The following RGS5 variants were observed in gnomAD, a reference collection of about 807,000 sequenced individuals.
The protein encoded by RGS5 is regulator of G protein signaling 5.
RGS5 carries 20 observed loss-of-function variants against 18.9 expected under a neutral mutation model. The ratio of observed to expected loss-of-function variants is 1.06; its 90% CI spans 0.74 to 1.54. The LOEUF is 1.54. Among genes scored for constraint, RGS5 ranks in the 40% most tolerant of loss-of-function variants. The pLI, the probability that RGS5 is intolerant of heterozygous loss-of-function variation, is 0.00. For synonymous variants in RGS5, 57 were observed against 76.2 expected (o/e 0.75, Z 1.31); for missense variants, 201 against 211.8 (o/e 0.95, Z 0.32).
intron 2 of RGS5, among the ~76,000 whole-genome samples, chr1:163,283,115 T>C (rs563795230): frequency 6.6e-6 from 1 of 152,256 alleles, no homozygotes; most frequent in Non-Finnish European, 1.5e-5. Flanking sequence ...GAAATGTGGT[T>C]ATTAGATCCT....
At chr1:163,156,470 C>T (rs2102387581) in intron 3 of RGS5, among the ~76,000 whole-genome samples, 1 of 152,248 alleles carries the variant, frequency 6.6e-6, no homozygotes, top group African/African-American at 2.4e-5. Flanking sequence ...TCGACTTGCT[C>T]TTGAAGATTT....
intron 2 of RGS5, among the ~76,000 whole-genome samples, chr1:163,302,068 A>G (rs1571350808): frequency 6.6e-6 from 1 of 151,756 alleles, no homozygotes; most frequent in African/African-American, 2.4e-5. Context: ...TTTTCATATA[A>G]AGAAAAATAT....
At position 163,282,794 on chromosome 1, in the gene RGS5, A is replaced by C. The variant is rs561683254; in HGVS notation, c.-281+23439T>G. On this transcript the variant is annotated intron_variant, in intron 2 of 5. Transcript: ENST00000618415. ...TACTAGATGACTGGGTACATATCCA[A>C]AGGAAAGGAAATTAGTATATCAAAG... 1.4e-4 allele frequency among the ~76,000 whole-genome samples: 22 copies of C among 152,274 alleles called. No homozygotes were observed. In the South Asian group the frequency reaches 4.6e-3, roughly 32 times the overall value.
intron 1 of RGS5, 67 bp downstream of exon 1, chr1:163,202,725 G>A: frequency 2.1e-6 from 3 of 1,455,834 alleles, no homozygotes; most frequent in Non-Finnish European, 2.9e-6. Flanking sequence ...GTTACCACTG[G>A]GCAGCCTCCC....
At chr1:163,222,955 G>C (rs1419232088) in intron 2 of RGS5, among the ~76,000 whole-genome samples, 1 of 151,900 alleles carries the variant, frequency 6.6e-6, no homozygotes, top group Non-Finnish European at 1.5e-5. Flanking sequence ...CACCTCCCAG[G>C]TGCCTCAGCC....
intron 1 of RGS5, among the ~76,000 whole-genome samples, chr1:163,216,696 G>A (rs1660225061): frequency 6.6e-6 from 1 of 152,214 alleles, no homozygotes. Context: ...ATATTATCAT[G>A]TAAGACTCAA....
rs570593835 is a variant in RGS5 at position 163,247,284 on chromosome 1, G to A, written c.-281+58949C>T. ...CCTGAATAATTATAAGAAAATAACTGATAAGAAAATGTGAGTTTTGTTCTA... is the reference window on the plus strand; with the variant it reads ...CCTGAATAATTATAAGAAAATAACTAATAAGAAAATGTGAGTTTTGTTCTA... On this transcript the variant is annotated intron_variant, in intron 2 of 5. Transcript: ENST00000618415. Among the ~76,000 whole-genome samples the A allele has an allele frequency of 1.1e-4, 16 of 152,256 alleles. No individual in the cohort carries two copies. The South Asian group carries it at 2.9e-3, about 28-fold the overall frequency.
At position 163,261,677 on chromosome 1, in the gene RGS5, T is replaced by C. The variant is rs535133643; in HGVS notation, c.-281+44556A>G. On this transcript the variant is annotated intron_variant, in intron 2 of 5. Coordinates refer to the RGS5 transcript ENST00000618415. Reference sequence around the variant, plus strand: ...CAAACATTTTGGATCCCCTCCATTCTTTCCTGAAAGGTTTGAAAAACAAAC... The same window carrying C: ...CAAACATTTTGGATCCCCTCCATTCCTTCCTGAAAGGTTTGAAAAACAAAC... Among the ~76,000 whole-genome samples the C allele has an allele frequency of 5.3e-5, 8 of 152,328 alleles. No homozygotes were observed. In the South Asian group the frequency reaches 1.0e-3, roughly 20 times the overall value.
In RGS5 at chr1:163,143,197, A is replaced by G. The variant is rs1043298807; in HGVS notation, c.*4145T>C. On this transcript the variant is annotated 3_prime_UTR_variant, in exon 5 of 5. Transcript: ENST00000313961. ...AACAGTAGCTGCTAAATTGTTAACT[A>G]AAGAGCCTTGTGCGAAGCAAGTGTT... 9 of 152,226 alleles carry G rather than the reference A, an allele frequency of 5.9e-5. No individual in the cohort carries two copies. Among genetic ancestry groups the G allele is most frequent in the African/African-American group, 1.9e-4 (8 of 41,462 alleles). 9.4% of individuals were successfully genotyped at this position (152,226 alleles called of 1,614,324 possible). A position where few individuals can be genotyped will look rare whatever the true frequency, so the allele number is the denominator to read the frequency against.
intron 1 of RGS5, among the ~76,000 whole-genome samples, chr1:163,201,358 A>G (rs1659765475): frequency 6.6e-6 from 1 of 152,160 alleles, no homozygotes; most frequent in African/African-American, 2.4e-5. Context: ...GCTAATAGCA[A>G]TAAATAGTAT....
At chr1:163,239,542 T>A (rs1401502433) in intron 2 of RGS5, among the ~76,000 whole-genome samples, 1 of 150,786 alleles carries the variant, frequency 6.6e-6, no homozygotes, top group African/African-American at 2.4e-5. Context: ...CTAAATGGCA[T>A]AAAGAAGACC....
At chr1:163,313,722 G>C (rs992680110) in intron 1 of RGS5, among the ~76,000 whole-genome samples, 2 of 152,164 alleles carry the variant, frequency 1.3e-5, no homozygotes, top group African/African-American at 4.8e-5. Flanking sequence ...TTGTACTGTA[G>C]GGAAGTGGTA....
intron 2 of RGS5, among the ~76,000 whole-genome samples, chr1:163,301,292 G>C (rs1649544203): frequency 6.6e-6 from 1 of 151,386 alleles, no homozygotes; most frequent in Non-Finnish European, 1.5e-5. Flanking sequence ...GAAAAAATCA[G>C]AATTCTAGAG....
At chr1:163,213,220 T>C (rs1281484790) in intron 1 of RGS5, among the ~76,000 whole-genome samples, 4 of 152,126 alleles carry the variant, frequency 2.6e-5, no homozygotes, top group African/African-American at 9.7e-5. Context: ...TGCTATGCAT[T>C]ACTTGCTTTT....
chr1:163,238,381 T>C (rs1647688441), intron 2 of RGS5: 1 of 152,228 alleles, frequency 6.6e-6, no homozygotes, highest in African/African-American at 2.4e-5. Flanking sequence ...TAACTAAAAA[T>C]GAAAATTGCT....
At chr1:163,196,285 T>C (rs7519727) in intron 1 of RGS5, among the ~76,000 whole-genome samples, 22 of 152,174 alleles carry the variant, frequency 1.4e-4, no homozygotes, top group Admixed American at 1.3e-3. Context: ...TGACTGATCC[T>C]GACTGAATTA....
At chr1:163,172,053 G>T (rs1158328136) in intron 1 of RGS5, among the ~76,000 whole-genome samples, 2 of 152,172 alleles carry the variant, frequency 1.3e-5, no homozygotes, top group Non-Finnish European at 2.9e-5. Flanking sequence ...AGGGAAGGGT[G>T]GGTGCGTGTT....
At chr1:163,233,808 G>A (rs1056588239) in intron 2 of RGS5, among the ~76,000 whole-genome samples, 1 of 152,154 alleles carries the variant, frequency 6.6e-6, no homozygotes, top group African/African-American at 2.4e-5. Flanking sequence ...ACAAGGGCGG[G>A]GGACTATCAC....
chr1:163,228,119 G>A (rs1357783145), intron 2 of RGS5, among the ~76,000 whole-genome samples: 1 of 152,176 alleles, frequency 6.6e-6, no homozygotes, highest in Non-Finnish European at 1.5e-5. Flanking sequence ...GGAGGATGGT[G>A]GCCCTCTTCT....
Sources: gnomAD v4.1 joint callset for allele counts (sites outside exome capture counted in the v4.1 genomes callset) on GRCh38, gnomAD v4.1.1 for gene constraint, MANE v1.5 for transcripts, NCBI Gene and HGNC (gene_info 2026-07-23, HGNC 2026-07-21) for gene names.